USP43: variants seen among roughly 807,000 people sequenced by gnomAD.
USP43 encodes the protein ubiquitin carboxyl-terminal hydrolase 43.
In USP43, 33 loss-of-function variants were observed where a neutral mutation model predicts 90.7. The ratio of observed to expected loss-of-function variants is 0.36; its 90% confidence interval spans 0.28 to 0.49. The LOEUF (loss-of-function observed/expected upper bound fraction) is 0.49, where lower values mean the gene tolerates loss of function less well. Among genes scored for constraint, USP43 ranks in the 20% least tolerant of loss-of-function variants. The probability of loss-of-function intolerance (pLI) is 0.98; values close to 1 mark genes in which losing one functional copy is unlikely to be tolerated. For missense variants in USP43, 1,274 were observed against 1,476.4 expected (o/e 0.86, Z 2.25); for synonymous variants, 598 against 615.8 (o/e 0.97, Z 0.43).
upstream of USP43, chr17:9,645,510 T>C: frequency 1.0e-6 from 1 of 955,104 alleles, no homozygotes; most frequent in Non-Finnish European, 1.3e-6. This position sits in a 1 kb window ranked among gnomAD's most constrained non-coding sequence, Gnocchi z 6.8. Flanking sequence ...CTCCGCCCCG[T>C]CCCCGCACAC....
At chr17:9,714,542 G>A (rs1157095168) in intron 14 of USP43, among the ~76,000 whole-genome samples, 1 of 152,070 alleles carries the variant, frequency 6.6e-6, no homozygotes, top group Admixed American at 6.6e-5. Context: ...AATTAGCTGG[G>A]CATGGTGGCG....
intron 13 of USP43, among the ~76,000 whole-genome samples, chr17:9,711,112 T>C (rs1235972700): frequency 6.6e-6 from 1 of 152,144 alleles, no homozygotes; most frequent in Non-Finnish European, 1.5e-5. Context: ...TACTGTCCAG[T>C]ATAATAAAGA....
At chr17:9,657,498 T>C (rs1912343673) in intron 2 of USP43, among the ~76,000 whole-genome samples, 2 of 130,686 alleles carry the variant, frequency 1.5e-5, no homozygotes. Flanking sequence ...AAACTCCGTC[T>C]CAAAAAAAAA....
Position 9,686,237 on chromosome 17 carries a change from A to T in USP43, c.1242-561A>T, listed in dbSNP as rs1452529847. ...CATCCACCGATGTACACTTAGGTTG[A>T]TTTGGAATCTTGGCTATTGTGAATA... On this transcript the variant is annotated intron_variant, in intron 7 of 14. Coordinates refer to ENST00000285199, the MANE Select transcript of USP43 (RefSeq NM_153210.5). This position sits in a 1 kb window ranked among gnomAD's most constrained non-coding sequence, Gnocchi z 5.5. 6.6e-6 allele frequency among the ~76,000 whole-genome samples: 1 copy of T among 151,964 alleles called. No homozygotes were observed. The highest frequency in any genetic ancestry group is 1.5e-5 in the Non-Finnish European group (1 of 67,982).
At chr17:9,684,520 T>C (rs1279779176) in intron 7 of USP43, among the ~76,000 whole-genome samples, 1 of 152,012 alleles carries the variant, frequency 6.6e-6, no homozygotes, top group Non-Finnish European at 1.5e-5. Context: ...TCCCAGCACT[T>C]TGAGAGGCTG....
chr17:9,703,898 T>C (rs1915722013), intron 12 of USP43, among the ~76,000 whole-genome samples: 2 of 152,188 alleles, frequency 1.3e-5, no homozygotes, highest in South Asian at 4.1e-4. Flanking sequence ...CTCCCTCCTT[T>C]AGGTGAAGCT....
intron 14 of USP43, among the ~76,000 whole-genome samples, chr17:9,721,723 T>A (rs897074191): frequency 6.8e-6 from 1 of 147,532 alleles, no homozygotes; most frequent in African/African-American, 2.5e-5. Context: ...TAGCTGTATT[T>A]TTTTTTTTTT....
chr17:9,724,831 A>T (rs1290386635), intron 14 of USP43, among the ~76,000 whole-genome samples: 3 of 152,164 alleles, frequency 2.0e-5, no homozygotes, highest in Non-Finnish European at 2.9e-5. Flanking sequence ...GTGCTTATTA[A>T]ATATTTTTTG....
In USP43 at chr17:9,722,477, G is replaced by A. The variant is rs148006851; in HGVS notation, c.2336-5477G>A. On this transcript the variant is annotated intron_variant, in intron 14 of 14. Transcript: ENST00000285199. ...TGCGAAACTTGATTTTGTTCATTTCGTTTTTAAAGATTTTATATGACTGTT... is the reference window on the plus strand; with the variant it reads ...TGCGAAACTTGATTTTGTTCATTTCATTTTTAAAGATTTTATATGACTGTT... 5.1e-3 allele frequency among the ~76,000 whole-genome samples: 773 copies of A among 152,210 alleles called. 6 individuals are homozygous for A. Among genetic ancestry groups the A allele is most frequent in the South Asian group, 8.9e-3 (43 of 4,822 alleles).
At chr17:9,689,927 G>A (rs1018100217) in intron 8 of USP43, among the ~76,000 whole-genome samples, 3 of 152,098 alleles carry the variant, frequency 2.0e-5, no homozygotes, top group Non-Finnish European at 4.4e-5. Context: ...ATACCCTTCC[G>A]TGGCCAACCC....
At chr17:9,684,620 G>A (rs2139888) in intron 7 of USP43, among the ~76,000 whole-genome samples, 49,471 of 151,244 alleles carry the variant, frequency 0.33, 9,393 homozygotes, top group East Asian at 0.63. Flanking sequence ...AAAAGTAGCC[G>A]GGCATGGTGG....
intron 12 of USP43, among the ~76,000 whole-genome samples, chr17:9,704,828 A>G (rs368604275): frequency 2.1e-4 from 29 of 138,352 alleles, no homozygotes; most frequent in African/African-American, 7.2e-4. Flanking sequence ...CCTCCACTCC[A>G]TCTGCTTGCT....
In USP43 at chr17:9,646,044, C is replaced by T; in HGVS notation, c.412C>T (p.Pro138Ser). 1.3e-6 allele frequency: 2 copies of T among 1,500,584 alleles called. No homozygotes were observed. Among genetic ancestry groups the T allele is most frequent in the Non-Finnish European group, 1.8e-6 (2 of 1,125,904 alleles). 93.0% of individuals were successfully genotyped at this position (1,500,584 alleles called of 1,614,324 possible). ...GGCGCTGGGGCGCTACCGGGCGGCT[C>T]CGGGCCGCGCCGAGGTCACCGAGCA... ...FLALGRYRAA[P>S]GRAEVTEQLA... Residue 138 changes from proline (P) to serine (S), a missense_variant, in exon 1 of 15, where the codon CCG (proline) becomes TCG (serine). Around this residue, in one of 6 missense-constraint regions of USP43, gnomAD observed 259 missense variants for 373.7 expected, o/e 0.69. Coordinates refer to ENST00000285199, the MANE Select transcript of USP43 (RefSeq NM_153210.5).
At chr17:9,717,883 G>A (rs1916686872) in intron 14 of USP43, among the ~76,000 whole-genome samples, 1 of 150,336 alleles carries the variant, frequency 6.7e-6, no homozygotes, top group South Asian at 2.1e-4. Context: ...TGCAACCTCC[G>A]CCTCCCGGGT....
At chr17:9,702,100 C>T (rs1915609392) in intron 12 of USP43, among the ~76,000 whole-genome samples, 1 of 152,112 alleles carries the variant, frequency 6.6e-6, no homozygotes, top group African/African-American at 2.4e-5. Flanking sequence ...GTAGCTCATG[C>T]CTGTAATCCC....
chr17:9,650,199 C>T (rs1911758925), intron 1 of USP43, among the ~76,000 whole-genome samples: 1 of 152,174 alleles, frequency 6.6e-6, no homozygotes, highest in Non-Finnish European at 1.5e-5. Flanking sequence ...TTCCCATAAG[C>T]TTAATTCCTA....
intron 12 of USP43, among the ~76,000 whole-genome samples, chr17:9,708,720 T>C (rs1597878756): frequency 6.6e-6 from 1 of 152,188 alleles, no homozygotes; most frequent in East Asian, 1.9e-4. Context: ...CTCTGCCTCC[T>C]GGGTTCAAGC....
chr17:9,713,582 GA>G (rs974463846), intron 14 of USP43, among the ~76,000 whole-genome samples: 2 of 152,220 alleles, frequency 1.3e-5, no homozygotes, highest in Non-Finnish European at 2.9e-5. Flanking sequence ...CAGGGGGCAA[GA>G]GTGGGGACGT....
At chr17:9,713,784 A>G (rs1049026927) in intron 14 of USP43, among the ~76,000 whole-genome samples, 1 of 152,174 alleles carries the variant, frequency 6.6e-6, no homozygotes, top group African/African-American at 2.4e-5. Flanking sequence ...TTAAGGTCTA[A>G]ATAACGAGGG....
Sources: gnomAD v4.1 joint callset for allele counts (sites outside exome capture counted in the v4.1 genomes callset) on GRCh38, gnomAD v4.1.1 for gene constraint, gnomAD v4.1.1 regional missense constraint, Gnocchi (gnomAD v3.1) non-coding constraint, MANE v1.5 for transcripts, NCBI Gene and HGNC (gene_info 2026-07-23, HGNC 2026-07-21) for gene names.